The following CRTC3 variants were observed in gnomAD, a reference collection of about 807,000 sequenced individuals.
CRTC3 encodes the protein CREB regulated transcription coactivator 3, also known as CREB-regulated transcription coactivator 3.
A neutral mutation model predicts 74.5 loss-of-function variants in CRTC3; 26 were observed. The observed-to-expected ratio is 0.35, with a 90% CI of 0.26 to 0.48. The LOEUF is 0.48. Among genes scored for constraint, CRTC3 ranks in the 20% least tolerant of loss-of-function variants. CRTC3 has a pLI of 0.99. For synonymous variants in CRTC3, 377 were observed against 325.8 expected, an observed-to-expected ratio of 1.16 and a Z score of -1.69; for missense variants, 760 against 787.3, an observed-to-expected ratio of 0.97 and a Z score of 0.41.
In CRTC3 at chr15:90,545,743, ATT is replaced by A. The variant is rs71154111; in HGVS notation, c.231+5613_231+5614del. On this transcript the variant is annotated intron_variant, in intron 2 of 14. Transcript: ENST00000268184. ...AGGCACCTGCCACCACGCCCGGGTA[ATT>A]TTTTTTGTATTTTTAGTAGAGACGG... is the stretch of plus-strand genomic sequence containing the variant. Among the ~76,000 whole-genome samples, 356 of 151,406 alleles carry A rather than the reference ATT, an allele frequency of 2.4e-3. 4 individuals carry two copies. The Middle Eastern group carries it at 0.038, about 16-fold the overall frequency.
At chr15:90,533,652 G>T (rs1056860092) in intron 1 of CRTC3, among the ~76,000 whole-genome samples, 4 of 152,164 alleles carry the variant, frequency 2.6e-5, no homozygotes, top group Non-Finnish European at 5.9e-5. Flanking sequence ...TGTGCCAGGG[G>T]TTAGGATGGA....
intron 3 of CRTC3, chr15:90,595,367 T>G (rs1050585148): frequency 6.6e-6 from 1 of 152,100 alleles, no homozygotes; most frequent in Non-Finnish European, 1.5e-5. Flanking sequence ...GGTCAGGAGA[T>G]TGAGACCATC....
intron 9 of CRTC3, among the ~76,000 whole-genome samples, chr15:90,624,071 G>A (rs942736675): frequency 1.3e-5 from 2 of 152,104 alleles, no homozygotes; most frequent in Admixed American, 6.5e-5. Flanking sequence ...ATTGTATTAT[G>A]TTGCCGGTTA....
At chr15:90,533,748 A>T (rs1966672688) in intron 1 of CRTC3, among the ~76,000 whole-genome samples, 1 of 152,200 alleles carries the variant, frequency 6.6e-6, no homozygotes, top group Non-Finnish European at 1.5e-5. Context: ...TTTAATAAGT[A>T]AGGACACATT....
At chr15:90,587,357 C>T (rs933278510) in intron 2 of CRTC3, among the ~76,000 whole-genome samples, 2 of 152,200 alleles carry the variant, frequency 1.3e-5, no homozygotes, top group African/African-American at 2.4e-5. Flanking sequence ...AAGATTCACA[C>T]GTCCTGTTTC....
chr15:90,614,253 A>C, intron 6 of CRTC3, 200 bp from the exon 7 acceptor site: 1 of 507,776 alleles, frequency 2.0e-6, no homozygotes, highest in Non-Finnish European at 3.5e-6. Flanking sequence ...AGAAAAAGGA[A>C]CCAAATTTAG....
Position 90,530,803 on chromosome 15 carries a change from T to C in CRTC3, c.132+600T>C, listed in dbSNP as rs1966614598. Reference sequence around the variant, plus strand: ...GTGCTTTATCGGGTCCAGTTTACTTTGTTCGGCCCGGGATATTTAGTGAGA... The same window carrying C: ...GTGCTTTATCGGGTCCAGTTTACTTCGTTCGGCCCGGGATATTTAGTGAGA... On this transcript the variant is annotated intron_variant, in intron 1 of 14. Coordinates refer to ENST00000268184, the MANE Select transcript of CRTC3 (RefSeq NM_022769.5). This position sits in a 1 kb window ranked among gnomAD's most constrained non-coding sequence, Gnocchi z 6.2. 1 of 152,326 alleles carries C rather than the reference T, an allele frequency of 6.6e-6. No homozygotes were observed. The highest frequency in any genetic ancestry group is 1.5e-5 in the Non-Finnish European group (1 of 68,130). 9.4% of individuals were successfully genotyped at this position (152,326 alleles called of 1,614,324 possible).
chr15:90,566,625 A>G (rs1967129170), intron 2 of CRTC3, among the ~76,000 whole-genome samples: 1 of 151,824 alleles, frequency 6.6e-6, no homozygotes, highest in African/African-American at 2.4e-5. Context: ...TTGCTGCTAT[A>G]GAAGCTGCAG....
rs11380695 is a variant in CRTC3 at position 90,591,120 on chromosome 15, A to ATT, written c.232-2504_232-2503dup. Among the ~76,000 whole-genome samples, 513 of 145,528 alleles carry ATT rather than the reference A, an allele frequency of 3.5e-3. 2 individuals carry two copies. Among genetic ancestry groups the ATT allele is most frequent in the African/African-American group, 0.011 (431 of 39,494 alleles). The stretch of plus-strand genomic sequence containing the variant: ...CAGGTGGGCACCACCACGCCCCACT[A>ATT]TTTTTTTTTTTTTAATTTTTTTTTG... On this transcript the variant is annotated intron_variant, in intron 2 of 14. Coordinates refer to ENST00000268184, the MANE Select transcript of CRTC3 (RefSeq NM_022769.5).
chr15:90,623,841 G>A (rs888483693), intron 9 of CRTC3, among the ~76,000 whole-genome samples: 27 of 151,994 alleles, frequency 1.8e-4, no homozygotes, highest in African/African-American at 3.6e-4. Context: ...TCAACCTCCC[G>A]TGGTCTGAAT....
Position 90,642,585 on chromosome 15 carries a change from C to G in CRTC3, c.*445C>G. The G allele has an allele frequency of 3.2e-6, 1 of 309,760 alleles. No individual in the cohort carries two copies. The highest frequency in any genetic ancestry group is 4.6e-5 in the Admixed American group (1 of 21,606). The allele number at this position is 309,760 out of a possible 1,614,324, so 19.2% of individuals were successfully genotyped here. ...GGGGCGGCGGCACCGGAGAGGGCAC[C>G]TCGATGCCTGCTCTGACCTGACCCA... On this transcript the variant is annotated 3_prime_UTR_variant, in exon 15 of 15. Transcript: ENST00000268184.
At chr15:90,575,106 T>A (rs1372618307) in intron 2 of CRTC3, among the ~76,000 whole-genome samples, 1 of 152,176 alleles carries the variant, frequency 6.6e-6, no homozygotes, top group Non-Finnish European at 1.5e-5. Flanking sequence ...TCCCAGCACT[T>A]TGGGAGGCTG....
Position 90,638,574 on chromosome 15 carries a change from T to C in CRTC3, c.1395T>C (p.Pro465=), listed in dbSNP as rs1301357597. The change falls in exon 12 of 15, where the codon CCT becomes CCC. Residue 465 remains proline, a synonymous_variant. Transcript: ENST00000268184. ...TQPLLQQPRA[P]EAPAQQPQAA... is the part of the protein sequence containing the mutation. The stretch of plus-strand genomic sequence containing the variant: ...CCCTCCTGCAGCAGCCCCGCGCCCC[T>C]GAGGCCCCTGCCCAGCAGCCCCAGG... 1.9e-6 allele frequency: 3 copies of C among 1,612,884 alleles called. No homozygotes were observed. Among genetic ancestry groups the C allele is most frequent in the East Asian group, 2.2e-5 (1 of 44,886 alleles).
chr15:90,620,327 A>G lies in CRTC3; in HGVS notation c.749+537A>G, dbSNP rs556790453. 5.3e-5 allele frequency among the ~76,000 whole-genome samples: 8 copies of G among 152,352 alleles called. No individual in the cohort carries two copies. The East Asian group carries it at 1.5e-3, about 29-fold the overall frequency. ...ACAACAATTTAAAAACATAAATGGA[A>G]GATAAATATATTTTCCATTTGCAAT... On this transcript the variant is annotated intron_variant, in intron 9 of 14. Coordinates refer to ENST00000268184, the MANE Select transcript of CRTC3 (RefSeq NM_022769.5).
intron 2 of CRTC3, among the ~76,000 whole-genome samples, chr15:90,581,456 T>C (rs1244450678): frequency 6.6e-6 from 1 of 152,226 alleles, no homozygotes; most frequent in African/African-American, 2.4e-5. Flanking sequence ...TTTTGTCCTT[T>C]AAAGTTATCA....
intron 2 of CRTC3, among the ~76,000 whole-genome samples, chr15:90,551,226 C>A (rs935171359): frequency 1.3e-5 from 2 of 152,188 alleles, no homozygotes; most frequent in South Asian, 4.1e-4. Flanking sequence ...AAATGCATAT[C>A]TCTGGAAACT....
intron 1 of CRTC3, among the ~76,000 whole-genome samples, chr15:90,535,551 G>A (rs1000038445): frequency 6.6e-6 from 1 of 152,306 alleles, no homozygotes; most frequent in East Asian, 1.9e-4. Context: ...AAGTTTGGCT[G>A]TGAAGAGCAA....
At chr15:90,537,066 C>T (rs1174452185) in intron 1 of CRTC3, among the ~76,000 whole-genome samples, 1 of 152,158 alleles carries the variant, frequency 6.6e-6, no homozygotes, top group African/African-American at 2.4e-5. Flanking sequence ...GTGACCTCGG[C>T]CTTAGGCTAA....
At chr15:90,631,183 C>G (rs16944683) in intron 11 of CRTC3, among the ~76,000 whole-genome samples, 28,589 of 151,950 alleles carry the variant, frequency 0.19, 2,742 homozygotes, top group African/African-American at 0.22. Context: ...ATTGGTCACT[C>G]TTTACCAATT....
Sources: allele counts gnomAD v4.1 joint callset (sites outside exome capture counted in the v4.1 genomes callset), GRCh38; gene constraint gnomAD v4.1.1; non-coding constraint Gnocchi (gnomAD v3.1); transcripts MANE v1.5; gene names NCBI Gene and HGNC (gene_info 2026-07-23, HGNC 2026-07-21).